ANO2: variants seen among roughly 807,000 people sequenced by gnomAD.
The protein encoded by ANO2 is anoctamin 2.
ANO2 carries 101 observed loss-of-function variants against 124.2 expected under a neutral mutation model. That is an observed-to-expected ratio of 0.81 (90% CI 0.69 to 0.96). ANO2 has a LOEUF of 0.96. Ranked by LOEUF, ANO2 falls within the 40% of genes least tolerant of loss-of-function variation. The pLI is 0.00. For missense variants in ANO2, 1,293 were observed against 1,274.5 expected (o/e 1.01, Z -0.22); for synonymous variants, 486 against 482.5 (o/e 1.01, Z -0.09).
rs185666885 is a variant in ANO2 at position 5,830,439 on chromosome 12, C to T, written c.836G>A (p.Arg279His). Residue 279 changes from arginine to histidine, a missense_variant, in exon 6 of 25, where the codon CGC (arginine) becomes CAC (histidine). Coordinates refer to ENST00000682330, the MANE Select transcript of ANO2 (RefSeq NM_001364791.2). ...ACAGTACATCCATTTACTTACAATG[C>T]GGCTGCGGGTGGCATTATCAAAGAA... ...DTFFDNATRSRIVHEILKRTA... is the reference protein window; with the variant it reads ...DTFFDNATRSHIVHEILKRTA... 4.4e-5 allele frequency: 71 copies of T among 1,612,216 alleles called. No homozygotes were observed. The East Asian group carries it at 4.5e-4, about 10-fold the overall frequency.
chr12:5,660,957 C>T (rs1053027794), intron 14 of ANO2, among the ~76,000 whole-genome samples: 2 of 152,092 alleles, frequency 1.3e-5, no homozygotes, highest in African/African-American at 4.8e-5. Context: ...TGAGGAAAAC[C>T]GAAGGAAAAA....
chr12:5,939,516 G>C (rs1467368536), intron 1 of ANO2, among the ~76,000 whole-genome samples: 6 of 152,310 alleles, frequency 3.9e-5, no homozygotes, highest in African/African-American at 1.2e-4. Context: ...GGTTAAATCT[G>C]TTAGGTTGGT....
chr12:5,583,765 T>C (rs1351348900), intron 20 of ANO2: 4 of 159,860 alleles, frequency 2.5e-5, no homozygotes, highest in Admixed American at 1.3e-4. Flanking sequence ...TTTTTGAGTG[T>C]TGGCAAAGCA....
rs35224024 is a variant in ANO2 at position 5,638,237 on chromosome 12, C to CTTTTTT, written c.1621-2896_1621-2891dup. ...ATCTTCACTAGCACTGTTTCTTTTC[C>CTTTTTT]TTTTTTTTTTTTTTTTGAGACGGAG... On this transcript the variant is annotated intron_variant, in intron 15 of 24. Transcript: ENST00000682330. Among the ~76,000 whole-genome samples the CTTTTTT allele has an allele frequency of 1.1e-3, 141 of 124,852 alleles. 29 individuals carry two copies. The highest frequency in any genetic ancestry group is 1.9e-3 in the East Asian group (7 of 3,656). 81.9% of individuals were successfully genotyped at this position (124,852 alleles called of 152,430 possible).
intron 4 of ANO2, among the ~76,000 whole-genome samples, chr12:5,842,669 A>T (rs1591683282): frequency 6.6e-6 from 1 of 152,174 alleles, no homozygotes; most frequent in South Asian, 2.1e-4. Context: ...GCTGCTGATA[A>T]AACGGTTTAG....
chr12:5,707,901 T>G (rs937910080), intron 14 of ANO2, among the ~76,000 whole-genome samples: 2 of 152,248 alleles, frequency 1.3e-5, no homozygotes, highest in Non-Finnish European at 2.9e-5. Flanking sequence ...CACTCCCATG[T>G]GTCCAGTGCC....
At chr12:5,828,644 A>C (rs972616935) in intron 6 of ANO2, among the ~76,000 whole-genome samples, 1 of 152,148 alleles carries the variant, frequency 6.6e-6, no homozygotes, top group African/African-American at 2.4e-5. Flanking sequence ...TACATGCCCA[A>C]AACAGCCTAC....
At chr12:5,663,507 A>G (rs182678158) in intron 14 of ANO2, among the ~76,000 whole-genome samples, 1 of 151,866 alleles carries the variant, frequency 6.6e-6, no homozygotes, top group Non-Finnish European at 1.5e-5. Flanking sequence ...GACTGAATGA[A>G]CTCCACAAAT....
chr12:5,696,263 G>C (rs893071173), intron 14 of ANO2, among the ~76,000 whole-genome samples: 2 of 152,122 alleles, frequency 1.3e-5, no homozygotes, highest in African/African-American at 4.8e-5. Flanking sequence ...CTAACACATT[G>C]ATCAGACCTT....
At chr12:5,873,193 G>T (rs1937825505) in intron 3 of ANO2, among the ~76,000 whole-genome samples, 1 of 100,622 alleles carries the variant, frequency 9.9e-6, no homozygotes, top group African/African-American at 3.6e-5. Context: ...TTTGCCTAAA[G>T]CAGCTCTCTC....
At chr12:5,841,637 C>T (rs925942893) in intron 4 of ANO2, among the ~76,000 whole-genome samples, 2 of 152,336 alleles carry the variant, frequency 1.3e-5, no homozygotes, top group Admixed American at 1.3e-4. Context: ...CTTGGTTCCA[C>T]ACGCAGTCCA....
At chr12:5,845,782 G>A (rs1327575511) in intron 4 of ANO2, among the ~76,000 whole-genome samples, 1 of 152,104 alleles carries the variant, frequency 6.6e-6, no homozygotes, top group African/African-American at 2.4e-5. Flanking sequence ...CCTTGGATAA[G>A]TTTATTAACC....
chr12:5,719,357 A>T (rs933090302), intron 14 of ANO2, among the ~76,000 whole-genome samples: 2 of 152,150 alleles, frequency 1.3e-5, no homozygotes, highest in Non-Finnish European at 2.9e-5. Context: ...GACTGACAGG[A>T]CCTCACATAA....
intron 20 of ANO2, among the ~76,000 whole-genome samples, chr12:5,593,053 A>G (rs1943483724): frequency 6.6e-6 from 1 of 152,224 alleles, no homozygotes; most frequent in Admixed American, 6.5e-5. Flanking sequence ...GCCTTTCAAA[A>G]TAATTATCTG....
At chr12:5,943,412 G>A (rs1022926500) in intron 1 of ANO2, among the ~76,000 whole-genome samples, 1 of 152,018 alleles carries the variant, frequency 6.6e-6, no homozygotes, top group Non-Finnish European at 1.5e-5. Context: ...TCAGGAATGG[G>A]TAACTAAATA....
At chr12:5,793,983 C>A (rs1952773655) in intron 10 of ANO2, among the ~76,000 whole-genome samples, 1 of 152,096 alleles carries the variant, frequency 6.6e-6, no homozygotes, top group Admixed American at 6.5e-5. Flanking sequence ...ATGGGATTAA[C>A]AGCATGACTT....
At chr12:5,860,041 G>C (rs528128350) in intron 3 of ANO2, among the ~76,000 whole-genome samples, 1 of 152,146 alleles carries the variant, frequency 6.6e-6, no homozygotes, top group South Asian at 2.1e-4. Flanking sequence ...TTTGCACATG[G>C]TCTAAGGTAC....
chr12:5,932,885 G>A (rs1942481397), intron 1 of ANO2, among the ~76,000 whole-genome samples: 1 of 152,166 alleles, frequency 6.6e-6, no homozygotes, highest in Admixed American at 6.5e-5. Flanking sequence ...CACGGCTTTT[G>A]CATGCAACTA....
At chr12:5,760,542 A>G (rs183731290) in intron 10 of ANO2, among the ~76,000 whole-genome samples, 65 of 152,316 alleles carry the variant, frequency 4.3e-4, no homozygotes, top group Non-Finnish European at 8.4e-4. Flanking sequence ...GAGGACACAG[A>G]AGAGTGTAAC....
Sources: allele counts gnomAD v4.1 joint callset (sites outside exome capture counted in the v4.1 genomes callset), GRCh38; gene constraint gnomAD v4.1.1; transcripts MANE v1.5; gene names NCBI Gene and HGNC (gene_info 2026-07-23, HGNC 2026-07-21).